PNPLA7: variants seen among roughly 807,000 people sequenced by gnomAD.
PNPLA7 encodes patatin-like phospholipase domain-containing protein 7.
PNPLA7 carries 153 observed loss-of-function variants against 161.7 expected under a neutral mutation model. That is an observed-to-expected ratio of 0.95 (90% CI 0.83 to 1.08). The LOEUF is 1.08. Among genes scored for constraint, PNPLA7 ranks in the 50% least tolerant of loss-of-function variants. PNPLA7 has a pLI of 0.00. For synonymous variants in PNPLA7, 809 were observed against 782.1 expected (o/e 1.03, Z -0.57); for missense variants, 1,739 against 1,856.6 (o/e 0.94, Z 1.16).
intron 13 of PNPLA7, 52 bp downstream of exon 13, chr9:137,505,931 A>C (rs1028121485): frequency 1.3e-6 from 2 of 1,559,788 alleles, no homozygotes; most frequent in East Asian, 2.3e-5. Context: ...CCAGCAAGCC[A>C]CGGAGAGGGT....
Position 137,500,337 on chromosome 9 carries a change from C to T in PNPLA7, c.1757+354G>A, listed in dbSNP as rs545368451. ...GGGACGGCTCACGGCCCCTGAAGCC[C>T]GGCCCTGCCCCAACGTGGGCCTTGC... On this transcript the variant is annotated intron_variant, in intron 16 of 34. Coordinates refer to ENST00000406427, the MANE Select transcript of PNPLA7 (RefSeq NM_001098537.3). The surrounding 1 kb of genome is among the most constrained non-coding windows in gnomAD (Gnocchi z 5.5). Among the ~76,000 whole-genome samples the T allele has an allele frequency of 2.0e-5, 3 of 152,362 alleles. No homozygotes were observed. The highest frequency in any genetic ancestry group is 4.1e-4 in the South Asian group (2 of 4,832).
chr9:137,492,426 A>G (rs1316965252), intron 20 of PNPLA7: 5 of 143,362 alleles, frequency 3.5e-5, no homozygotes, highest in Middle Eastern at 3.1e-3. Context: ...TTTGAAAAAA[A>G]TTACTGGGCT....
At chr9:137,519,528 G>A (rs1052931710) in intron 11 of PNPLA7, among the ~76,000 whole-genome samples, 1 of 152,348 alleles carries the variant, frequency 6.6e-6, no homozygotes, top group Middle Eastern at 3.4e-3. Context: ...GAGGTTTGAG[G>A]ACATCCAGCC....
chr9:137,471,310 A>G (rs1333829948), intron 25 of PNPLA7, among the ~76,000 whole-genome samples: 1 of 152,206 alleles, frequency 6.6e-6, no homozygotes, highest in Non-Finnish European at 1.5e-5. Flanking sequence ...TCTAAAAGAT[A>G]CCATTTATGG....
chr9:137,462,595 G>T, intron 30 of PNPLA7, 90 bp downstream of exon 30: 1 of 1,525,096 alleles, frequency 6.6e-7, no homozygotes. Context: ...TCAGAGCCCA[G>T]GAGCGACCCC....
intron 17 of PNPLA7, 116 bp downstream of exon 17, chr9:137,497,998 G>A (rs1402306147): frequency 1.4e-6 from 2 of 1,476,666 alleles, no homozygotes; most frequent in African/African-American, 2.8e-5. Context: ...CCTTCCATGT[G>A]TGGTTTCCAC....
intron 1 of PNPLA7, among the ~76,000 whole-genome samples, chr9:137,548,545 C>A (rs967512654): frequency 6.6e-6 from 1 of 152,068 alleles, no homozygotes; most frequent in African/African-American, 2.4e-5. Flanking sequence ...GTCAGGAGAT[C>A]GAGACCATCC....
rs1836600384 is a variant in PNPLA7 at position 137,547,469 on chromosome 9, C to T, written c.106-73G>A. The T allele has an allele frequency of 3.1e-6, 5 of 1,595,642 alleles. No homozygotes were observed. Among genetic ancestry groups the T allele is most frequent in the East Asian group, 2.2e-5 (1 of 44,776 alleles). On this transcript the variant is annotated intron_variant, in intron 2 of 34. Coordinates refer to ENST00000406427, the MANE Select transcript of PNPLA7 (RefSeq NM_001098537.3). This position sits in a 1 kb window ranked among gnomAD's most constrained non-coding sequence, Gnocchi z 4.6. ...AACCCTAGCCCTAAGCCTGCCCCCA[C>T]CCCTGGCTGCCCAACCACAGGCTGG...
chr9:137,460,530 A>G, intron 34 of PNPLA7, 54 bp from the exon 35 acceptor site: 1 of 1,601,468 alleles, frequency 6.2e-7, no homozygotes, highest in Admixed American at 1.7e-5. Flanking sequence ...GGGGCTCTGC[A>G]GCGCTGGTAA....
chr9:137,521,389 G>C (rs1834983656), intron 10 of PNPLA7, among the ~76,000 whole-genome samples: 1 of 152,232 alleles, frequency 6.6e-6, no homozygotes, highest in Non-Finnish European at 1.5e-5. Context: ...CAACGGATCA[G>C]AGATTTTGGA....
At chr9:137,549,661 G>C (rs1193304291) in intron 1 of PNPLA7, among the ~76,000 whole-genome samples, 1 of 151,862 alleles carries the variant, frequency 6.6e-6, no homozygotes, top group African/African-American at 2.4e-5. Flanking sequence ...CGGGCGTGGT[G>C]CCTGTAGTCC....
chr9:137,495,917 C>T (rs560962402), intron 18 of PNPLA7, among the ~76,000 whole-genome samples: 1 of 152,234 alleles, frequency 6.6e-6, no homozygotes, highest in South Asian at 2.1e-4. Context: ...GCTGAGCCAT[C>T]GGAGCGCGGG....
intron 12 of PNPLA7, among the ~76,000 whole-genome samples, chr9:137,513,154 A>C (rs1834326332): frequency 6.6e-6 from 1 of 152,160 alleles, no homozygotes; most frequent in Non-Finnish European, 1.5e-5. Flanking sequence ...ACTACAGATA[A>C]ATGAAAGACC....
rs945754776 is a variant in PNPLA7, at chr9:137,540,606, A to G, written c.747+36T>C. On this transcript the variant is annotated intron_variant, in intron 8 of 34. Coordinates refer to ENST00000406427, the MANE Select transcript of PNPLA7 (RefSeq NM_001098537.3). This position sits in a 1 kb window ranked among gnomAD's most constrained non-coding sequence, Gnocchi z 5.1. The stretch of plus-strand genomic sequence containing the variant: ...AAAACCAGGCCTCCGGGGCCAACCC[A>G]GGGGCGCCCGGAGGGCCAGGCAGCG... The G allele has an allele frequency of 6.3e-7, 1 of 1,575,654 alleles. No individual in the cohort carries two copies. Among genetic ancestry groups the G allele is most frequent in the South Asian group, 1.1e-5 (1 of 88,102 alleles).
chr9:137,480,813 G>T, intron 22 of PNPLA7, 147 bp downstream of exon 22: 1 of 935,558 alleles, frequency 1.1e-6, no homozygotes, highest in Non-Finnish European at 1.6e-6. Context: ...GTCCAGTGAA[G>T]GGAGTCACGT....
intron 11 of PNPLA7, among the ~76,000 whole-genome samples, chr9:137,516,822 G>C (rs1834599120): frequency 6.7e-6 from 1 of 150,162 alleles, no homozygotes; most frequent in African/African-American, 2.4e-5. Flanking sequence ...TGTCTCAATA[G>C]TAATAATAAT....
At chr9:137,494,266 C>T (rs541549747) in intron 19 of PNPLA7, among the ~76,000 whole-genome samples, 2 of 152,256 alleles carry the variant, frequency 1.3e-5, no homozygotes, top group African/African-American at 4.8e-5. Flanking sequence ...CCCTGTCCTT[C>T]TCCAGATCTC....
chr9:137,496,993 C>T (rs1454407282), intron 18 of PNPLA7, among the ~76,000 whole-genome samples, 194 bp downstream of exon 18: 1 of 152,222 alleles, frequency 6.6e-6, no homozygotes, highest in African/African-American at 2.4e-5. Context: ...CACAGCAAAG[C>T]AGCCGCGGGG....
At position 137,543,499 on chromosome 9, in the gene PNPLA7, G is replaced by C. The variant is rs779027037; in HGVS notation, c.439C>G (p.Leu147Val). 1.2e-6 allele frequency: 2 copies of C among 1,614,116 alleles called. No individual in the cohort carries two copies. The highest frequency in any genetic ancestry group is 2.2e-5 in the East Asian group (1 of 44,874). ...GAATTCTTCACGTCAAACTCCGTGAGGTCGGCCTCCAGCAGGGAGGGCGGG... is the reference window on the plus strand; with the variant it reads ...GAATTCTTCACGTCAAACTCCGTGACGTCGGCCTCCAGCAGGGAGGGCGGG... ...EPPPSLLEAD[L>V]TEFDVKNSHL... Residue 147 changes from leucine (L) to valine (V), a missense_variant, in exon 6 of 35, where the codon CTC (leucine) becomes GTC (valine). Leu to Val is a conservative substitution (Grantham distance 32, BLOSUM62 1). Around this residue, in one of 6 missense-constraint regions of PNPLA7, gnomAD observed 209 missense variants for 252.8 expected, o/e 0.83. Coordinates refer to ENST00000406427, the MANE Select transcript of PNPLA7 (RefSeq NM_001098537.3). This position sits in a 1 kb window ranked among gnomAD's most constrained non-coding sequence, Gnocchi z 6.9.
Sources: gnomAD v4.1 joint callset for allele counts (sites outside exome capture counted in the v4.1 genomes callset) on GRCh38, gnomAD v4.1.1 for gene constraint, gnomAD v4.1.1 regional missense constraint, Gnocchi (gnomAD v3.1) non-coding constraint, MANE v1.5 for transcripts, NCBI Gene and HGNC (gene_info 2026-07-23, HGNC 2026-07-21) for gene names.